Variants in IMMP1L observed in about 807,000 individuals in gnomAD.
IMMP1L encodes the protein inner mitochondrial membrane peptidase subunit 1.
In IMMP1L, 24 loss-of-function variants were observed where a neutral mutation model predicts 21.8. That is an observed-to-expected ratio of 1.10 (90% CI 0.80 to 1.55). The LOEUF (loss-of-function observed/expected upper bound fraction) is 1.55, where lower values mean the gene tolerates loss of function less well. Among genes scored for constraint, IMMP1L ranks in the 40% most tolerant of loss-of-function variants. The probability of loss-of-function intolerance (pLI) is 0.00; values close to 1 mark genes in which losing one functional copy is unlikely to be tolerated. For synonymous variants in IMMP1L, 46 were observed against 62.8 expected (o/e 0.73, Z 1.26); for missense variants, 195 against 200.7 (o/e 0.97, Z 0.17).
chr11:31,496,115 G>GC (rs1565012068), intron 1 of IMMP1L, among the ~76,000 whole-genome samples: 1 of 112,978 alleles, frequency 8.9e-6, no homozygotes, highest in East Asian at 2.3e-4. Context: ...TCAAAAACCC[G>GC]CAAAAAAAAA....
chr11:31,456,002 T>C (rs546364999), intron 4 of IMMP1L, among the ~76,000 whole-genome samples: 1 of 151,944 alleles, frequency 6.6e-6, no homozygotes, highest in African/African-American at 2.4e-5. Flanking sequence ...TCCTCAAACT[T>C]TGTCCAATAA....
intron 1 of IMMP1L, among the ~76,000 whole-genome samples, chr11:31,489,588 G>A (rs1178750216): frequency 6.9e-6 from 1 of 145,816 alleles, no homozygotes; most frequent in Non-Finnish European, 1.5e-5. Context: ...ATCATCTTTT[G>A]CTCTCCTTAG....
At chr11:31,502,603 A>G (rs1349190986) in intron 1 of IMMP1L, among the ~76,000 whole-genome samples, 1 of 152,204 alleles carries the variant, frequency 6.6e-6, no homozygotes, top group East Asian at 1.9e-4. Flanking sequence ...GGCTTCCATA[A>G]TTATTCAAAC....
chr11:31,466,334 AAC>A (rs559255367), intron 1 of IMMP1L, among the ~76,000 whole-genome samples: 8 of 152,124 alleles, frequency 5.3e-5, no homozygotes, highest in Non-Finnish European at 1.2e-4. Context: ...AGTCATGGAA[AAC>A]AGTGTGGAGG....
At chr11:31,464,140 A>G (rs1011819447) in intron 1 of IMMP1L, among the ~76,000 whole-genome samples, 112 of 152,094 alleles carry the variant, frequency 7.4e-4, no homozygotes, top group Non-Finnish European at 1.8e-4. Context: ...CGATAATAAT[A>G]TGTAACATCT....
Position 31,462,635 on chromosome 11 carries a change from G to A in IMMP1L, c.105+537C>T, listed in dbSNP as rs952358312. ...AGAATAATCTGTCTTAATTACAGATGATTAATTTGTTTTAATTACAGTTAT... is the reference window on the plus strand; with the variant it reads ...AGAATAATCTGTCTTAATTACAGATAATTAATTTGTTTTAATTACAGTTAT... On this transcript the variant is annotated intron_variant, in intron 2 of 5. Transcript: ENST00000532287. Among the ~76,000 whole-genome samples the A allele has an allele frequency of 3.9e-5, 6 of 152,232 alleles. No individual in the cohort carries two copies. The East Asian group carries it at 9.6e-4, about 24-fold the overall frequency.
chr11:31,490,723 T>A (rs1161247567), intron 1 of IMMP1L, among the ~76,000 whole-genome samples: 1 of 152,100 alleles, frequency 6.6e-6, no homozygotes. Context: ...ATGGTCCCCC[T>A]TCCTGCCTCC....
chr11:31,471,418 T>A (rs1954546554), intron 1 of IMMP1L, among the ~76,000 whole-genome samples: 1 of 152,194 alleles, frequency 6.6e-6, no homozygotes, highest in African/African-American at 2.4e-5. Flanking sequence ...AAAACCATTA[T>A]TTCTATCTTG....
chr11:31,490,033 T>C (rs1955204106), intron 1 of IMMP1L, among the ~76,000 whole-genome samples: 1 of 152,180 alleles, frequency 6.6e-6, no homozygotes, highest in African/African-American at 2.4e-5. Context: ...TCTCTAATCA[T>C]TCCAAAAAAC....
In IMMP1L at chr11:31,455,548, C is replaced by T. The variant is rs146209258; in HGVS notation, c.321+712G>A. ...TATACAATTTCAATACACACAATTT[C>T]GATTATCAAAATTTAAATAGGATGT... On this transcript the variant is annotated intron_variant, in intron 4 of 5. Coordinates refer to ENST00000532287, the MANE Select transcript of IMMP1L (RefSeq NM_001304274.2). Among the ~76,000 whole-genome samples, 10 of 152,218 alleles carry T rather than the reference C, an allele frequency of 6.6e-5. No homozygotes were observed. The East Asian group carries it at 9.7e-4, about 15-fold the overall frequency.
At chr11:31,444,359 A>C (rs896521437) in intron 4 of IMMP1L, among the ~76,000 whole-genome samples, 3 of 152,124 alleles carry the variant, frequency 2.0e-5, no homozygotes, top group Non-Finnish European at 4.4e-5. Flanking sequence ...ATCTCTGCAA[A>C]GTTAACTGTG....
chr11:31,460,745 T>A, intron 2 of IMMP1L, 31 bp from the exon 3 acceptor site: 1 of 1,317,150 alleles, frequency 7.6e-7, no homozygotes, highest in Non-Finnish European at 1.1e-6. Context: ...TAATCTAAAT[T>A]CAAAATCTCT....
At chr11:31,447,131 G>A (rs1426527170) in intron 4 of IMMP1L, among the ~76,000 whole-genome samples, 1 of 152,224 alleles carries the variant, frequency 6.6e-6, no homozygotes, top group Non-Finnish European at 1.5e-5. Flanking sequence ...TAAGTGCTCA[G>A]TAAGTGTCTG....
chr11:31,492,378 G>C (rs542654186), intron 1 of IMMP1L, among the ~76,000 whole-genome samples: 1 of 152,268 alleles, frequency 6.6e-6, no homozygotes, highest in Non-Finnish European at 1.5e-5. Context: ...CTCTGGATTA[G>C]ACTTTGACTT....
intron 1 of IMMP1L, among the ~76,000 whole-genome samples, chr11:31,507,128 A>T (rs892480849): frequency 6.6e-6 from 1 of 151,508 alleles, no homozygotes; most frequent in Non-Finnish European, 1.5e-5. Flanking sequence ...AAATACAAAA[A>T]ATCAGCAGGG....
At chr11:31,475,489 C>A (rs1331680873) in intron 1 of IMMP1L, among the ~76,000 whole-genome samples, 1 of 152,184 alleles carries the variant, frequency 6.6e-6, no homozygotes, top group Non-Finnish European at 1.5e-5. Flanking sequence ...CCCACTACAG[C>A]CTCCCAAGTG....
intron 4 of IMMP1L, chr11:31,452,406 A>C: frequency 1.0e-6 from 1 of 985,410 alleles, no homozygotes; most frequent in Non-Finnish European, 1.2e-6. Context: ...ACATTCCCTA[A>C]GGGAATTAAA....
intron 1 of IMMP1L, among the ~76,000 whole-genome samples, chr11:31,500,366 T>C (rs1955578739): frequency 1.3e-5 from 2 of 151,964 alleles, no homozygotes; most frequent in Non-Finnish European, 2.9e-5. Context: ...TCAGAGGTAA[T>C]TCAGGGAGGA....
chr11:31,442,679 GAAAAC>G (rs1953377016), intron 4 of IMMP1L, among the ~76,000 whole-genome samples: 1 of 152,004 alleles, frequency 6.6e-6, no homozygotes, highest in African/African-American at 2.4e-5. Context: ...TGACCGCAAA[GAAAAC>G]AAAACAATAG....
Sources: gnomAD v4.1 joint callset for allele counts (sites outside exome capture counted in the v4.1 genomes callset) on GRCh38, gnomAD v4.1.1 for gene constraint, MANE v1.5 for transcripts, NCBI Gene and HGNC (gene_info 2026-07-23, HGNC 2026-07-21) for gene names.